The following CHD5 variants were observed in gnomAD, a reference collection of about 807,000 sequenced individuals.
The protein encoded by CHD5 is chromodomain helicase DNA binding protein 5.
Under a neutral mutation model 230.3 loss-of-function variants are expected in CHD5, and 69 were observed. The ratio of observed to expected loss-of-function variants is 0.30; its 90% CI spans 0.25 to 0.37. The LOEUF (loss-of-function observed/expected upper bound fraction) is 0.37. Ranked by LOEUF, CHD5 falls within the 10% of genes least tolerant of loss-of-function variation. The pLI is 1.00. For synonymous variants in CHD5, 1,064 were observed against 1,065.9 expected, an observed-to-expected ratio of 1.00 and a Z score of 0.03; for missense variants, 1,827 against 2,622.8, an observed-to-expected ratio of 0.70 and a Z score of 6.63.
At chr1:6,138,120 A>G (rs1191112299) in intron 15 of CHD5, among the ~76,000 whole-genome samples, 1 of 152,196 alleles carries the variant, frequency 6.6e-6, no homozygotes, top group Non-Finnish European at 1.5e-5. Context: ...TCCCGCCTAT[A>G]ATCCCTGCAC....
chr1:6,149,983 TGATGGATGGATGGACAAATGGATGGATG>T (rs1375406341), intron 7 of CHD5, among the ~76,000 whole-genome samples: 11 of 142,250 alleles, frequency 7.7e-5, no homozygotes, highest in Non-Finnish European at 1.5e-4. Context: ...AATGAATGGA[TGATGGATGGATGGACAAATGGATGGATG>T]GATGGATGGA....
At chr1:6,151,328 C>T (rs1264883338) in intron 6 of CHD5, among the ~76,000 whole-genome samples, 173 bp from the exon 7 acceptor site, 1 of 152,198 alleles carries the variant, frequency 6.6e-6, no homozygotes, top group Non-Finnish European at 1.5e-5. Flanking sequence ...CCTGCCTGTC[C>T]AGCCTGATGT....
rs1666608047 is a variant in CHD5 at position 6,128,898 on chromosome 1, G to C, written c.3559C>G (p.Gln1187Glu). 6.2e-7 allele frequency: 1 copy of C among 1,613,202 alleles called. No homozygotes were observed. ...AACTTGAGGATGTCGTCCAGCTCCTGCTTGGTCATGGACCCCGACTTGGAG... is the reference window on the plus strand; with the variant it reads ...AACTTGAGGATGTCGTCCAGCTCCTCCTTGGTCATGGACCCCGACTTGGAG... ...LGSKSGSMTK[Q>E]ELDDILKFGT... Residue 1187 changes from glutamine to glutamate, a missense_variant, in exon 23 of 42, where the codon CAG (glutamine) becomes GAG (glutamate). Physicochemically the swap from Gln to Glu is conservative, Grantham distance 29 (BLOSUM62 2). Coordinates refer to ENST00000262450, the MANE Select transcript of CHD5 (RefSeq NM_015557.3). The surrounding 1 kb of genome is among the most constrained non-coding windows in gnomAD (Gnocchi z 7.8).
chr1:6,158,710 G>T (rs921930016), intron 3 of CHD5, among the ~76,000 whole-genome samples: 1 of 152,146 alleles, frequency 6.6e-6, no homozygotes, highest in Non-Finnish European at 1.5e-5. Flanking sequence ...GGCAGATCGC[G>T]AGGTCAAGAG....
intron 38 of CHD5, among the ~76,000 whole-genome samples, chr1:6,109,486 T>A (rs778589995): frequency 1.1e-4 from 17 of 152,320 alleles, no homozygotes; most frequent in Non-Finnish European, 2.1e-4. Context: ...ACAGTGCATT[T>A]AAGTCACGCT....
rs1445659538 is a variant in CHD5 at position 6,180,050 on chromosome 1, G to A, written c.-27C>T. 8.0e-7 allele frequency: 1 copy of A among 1,242,316 alleles called. No individual in the cohort carries two copies. 77.0% of individuals were successfully genotyped at this position (1,242,316 alleles called of 1,614,324 possible). On this transcript the variant is annotated 5_prime_UTR_variant, in exon 1 of 42. Coordinates refer to ENST00000262450, the MANE Select transcript of CHD5 (RefSeq NM_015557.3). Reference sequence around the variant, plus strand: ...CCCGGCGCGGGGAGGAGGGGAGGTGGGCGCCCCCCCTCCCGCCGGGCGCGG... The same window carrying A: ...CCCGGCGCGGGGAGGAGGGGAGGTGAGCGCCCCCCCTCCCGCCGGGCGCGG...
rs750042274 is a variant in CHD5 at position 6,134,109 on chromosome 1, G to A, written c.3144+19C>T. The A allele has an allele frequency of 6.8e-6, 11 of 1,607,904 alleles. No individual in the cohort carries two copies. Among genetic ancestry groups the A allele is most frequent in the African/African-American group, 4.0e-5 (3 of 74,862 alleles). On this transcript the variant is annotated intron_variant, in intron 20 of 41. Coordinates refer to ENST00000262450, the MANE Select transcript of CHD5 (RefSeq NM_015557.3). This position sits in a 1 kb window ranked among gnomAD's most constrained non-coding sequence, Gnocchi z 6.3. The stretch of plus-strand genomic sequence containing the variant: ...TGTGGGGTGTGGAGCCGGGGCGGGG[G>A]TGGGCAGGGGCAGCGCACCTGGGAG...
chr1:6,125,401 A>C lies in CHD5; in HGVS notation c.4260+123T>G, dbSNP rs2100843050. On this transcript the variant is annotated intron_variant, in intron 28 of 41. Transcript: ENST00000262450. This position sits in a 1 kb window ranked among gnomAD's most constrained non-coding sequence, Gnocchi z 6.7. ...GACCCTGACGGCGAAGACCAGACCA[A>C]GTTCTGTCCAAGCTCCGCCTCTACC... 7.8e-7 allele frequency: 1 copy of C among 1,283,624 alleles called. No individual in the cohort carries two copies. The highest frequency in any genetic ancestry group is 1.1e-6 in the Non-Finnish European group (1 of 923,696). 79.5% of individuals were successfully genotyped at this position (1,283,624 alleles called of 1,614,324 possible).
At position 6,120,122 on chromosome 1, in the gene CHD5, A is replaced by C. The variant is rs563930188; in HGVS notation, c.4912+983T>G. Among the ~76,000 whole-genome samples the C allele has an allele frequency of 3.2e-3, 492 of 152,174 alleles. 2 individuals carry two copies. The highest frequency in any genetic ancestry group is 0.011 in the African/African-American group (466 of 41,532). Reference sequence around the variant, plus strand: ...GTAATTCACCTGCCTCAGCCTCCCAAAGTGCTGGGATTACAGGTGTGAGCC... The same window carrying C: ...GTAATTCACCTGCCTCAGCCTCCCACAGTGCTGGGATTACAGGTGTGAGCC... On this transcript the variant is annotated intron_variant, in intron 33 of 41. Coordinates refer to ENST00000262450, the MANE Select transcript of CHD5 (RefSeq NM_015557.3).
chr1:6,109,621 A>G (rs1666252860), intron 38 of CHD5, among the ~76,000 whole-genome samples, 174 bp downstream of exon 38: 1 of 152,082 alleles, frequency 6.6e-6, no homozygotes, highest in East Asian at 1.9e-4. Context: ...CCTGCAGGGG[A>G]GATAAGGGGT....
At chr1:6,153,529 T>G (rs1431240598) in intron 5 of CHD5, among the ~76,000 whole-genome samples, 1 of 152,160 alleles carries the variant, frequency 6.6e-6, no homozygotes, top group East Asian at 1.9e-4. Context: ...CTCAGCCCCT[T>G]CCATCAAAAC....
In CHD5 at chr1:6,154,530, G is replaced by T; in HGVS notation, c.745+130C>A. 1 of 775,864 alleles carries T rather than the reference G, an allele frequency of 1.3e-6. No individual in the cohort carries two copies. Among genetic ancestry groups the T allele is most frequent in the Non-Finnish European group, 2.0e-6 (1 of 500,628 alleles). The allele number at this position is 775,864 out of a possible 1,614,324, so 48.1% of individuals were successfully genotyped here. On this transcript the variant is annotated intron_variant, in intron 5 of 41. Transcript: ENST00000262450. This position sits in a 1 kb window ranked among gnomAD's most constrained non-coding sequence, Gnocchi z 7.0. ...GACCGGGCAATCCAAGGTCACACAG[G>T]CACAGAGCCCTCCATTAGGAGCACC... is the stretch of plus-strand genomic sequence containing the variant.
At chr1:6,119,149 T>A (rs887728196) in intron 33 of CHD5, among the ~76,000 whole-genome samples, 2 of 143,486 alleles carry the variant, frequency 1.4e-5, no homozygotes, top group African/African-American at 5.9e-5. Flanking sequence ...AAAAATAAAC[T>A]TTTTTTTTCT....
Position 6,112,158 on chromosome 1 carries a change from C to T in CHD5, c.5122G>A (p.Ala1708Thr), listed in dbSNP as rs1318894130. The T allele has an allele frequency of 3.1e-6, 5 of 1,613,910 alleles. No homozygotes were observed. Among genetic ancestry groups the T allele is most frequent in the Admixed American group, 3.3e-5 (2 of 60,000 alleles). Residue 1708 changes from alanine (A) to threonine (T), a missense_variant, in exon 35 of 42, where the codon GCG (alanine) becomes ACG (threonine). By Grantham distance (58) the Ala-to-Thr change is moderately conservative. This residue lies in a region of CHD5 where 272 missense variants were observed against 263.2 expected (regional missense o/e 1.03). Transcript: ENST00000262450. ...CCAATACCCGTGAAGCCCCCGTCCGCGATGTTGAACATGAACTTGAATTTC... is the reference window on the plus strand; with the variant it reads ...CCAATACCCGTGAAGCCCCCGTCCGTGATGTTGAACATGAACTTGAATTTC... The part of the protein sequence containing the change: ...KGKFKFMFNI[A>T]DGGFTELHTL...
At position 6,129,998 on chromosome 1, in the gene CHD5, G is replaced by A; in HGVS notation, c.3387+206C>T. ...CCTCTCCAAGCCTGCTTCCTCCTCT[G>A]GACAAGGACAGAGCTGGAGGGATGG... On this transcript the variant is annotated intron_variant, in intron 22 of 41. Transcript: ENST00000262450. The surrounding 1 kb of genome is among the most constrained non-coding windows in gnomAD (Gnocchi z 6.8). 1 of 602,840 alleles carries A rather than the reference G, an allele frequency of 1.7e-6. No individual in the cohort carries two copies. Among genetic ancestry groups the A allele is most frequent in the South Asian group, 2.0e-5 (1 of 50,570 alleles). The allele number at this position is 602,840 out of a possible 1,614,324, so 37.3% of individuals were successfully genotyped here. A position where few individuals can be genotyped will look rare whatever the true frequency, so the allele number is the denominator to read the frequency against.
intron 33 of CHD5, among the ~76,000 whole-genome samples, chr1:6,118,534 G>A (rs893291119): frequency 6.6e-6 from 1 of 152,150 alleles, no homozygotes; most frequent in Non-Finnish European, 1.5e-5. Flanking sequence ...CCAGTCCATA[G>A]GACAGAAGTG....
chr1:6,124,657 AGGCTCTGGGGTGGGGGGGGGGGACTGG>A lies in CHD5; in HGVS notation c.4395-23_4398del. On this transcript the variant is annotated splice_acceptor_variant and splice_polypyrimidine_tract_variant and coding_sequence_variant and intron_variant, in exon 30 of 42. Transcript: ENST00000262450. LOFTEE classifies it high-confidence loss of function. ...AGGTGCCGCATGAAGAGGGACACAT[AGGCTCTGGGGTGGGGGGGGGGGACTGG>A]GGCTCAGGGAGTGGGGGGCCGGCAA... The A allele has an allele frequency of 8.4e-5, 21 of 249,666 alleles. No homozygotes were observed. The highest frequency in any genetic ancestry group is 1.3e-4 in the Non-Finnish European group (19 of 142,008). 15.5% of individuals were successfully genotyped at this position (249,666 alleles called of 1,614,324 possible).
At chr1:6,147,007 C>T (rs922849577) in intron 9 of CHD5, 136 bp from the exon 10 acceptor site, 69 of 664,608 alleles carry the variant, frequency 1.0e-4, no homozygotes, top group Non-Finnish European at 1.5e-4. Flanking sequence ...ACCACGGTGA[C>T]GCCATGACAT....
rs1366019857 is a variant in CHD5, at chr1:6,146,073, G to A, written c.1802+139C>T. The A allele has an allele frequency of 7.8e-6, 6 of 767,014 alleles. No individual in the cohort carries two copies. The highest frequency in any genetic ancestry group is 1.7e-5 in the South Asian group (1 of 57,654). The allele number at this position is 767,014 out of a possible 1,614,324, so 47.5% of individuals were successfully genotyped here. On this transcript the variant is annotated intron_variant, in intron 11 of 41. Transcript: ENST00000262450. The surrounding 1 kb of genome is among the most constrained non-coding windows in gnomAD (Gnocchi z 5.1). ...ACCCTGGGCCCTTCCTTGTGCCCCT[G>A]CTGTGCCCACATGTGGTTCTGCACG... is the stretch of plus-strand genomic sequence containing the variant.
Sources: gnomAD v4.1 joint callset for allele counts (sites outside exome capture counted in the v4.1 genomes callset) on GRCh38, gnomAD v4.1.1 for gene constraint, gnomAD v4.1.1 regional missense constraint, Gnocchi (gnomAD v3.1) non-coding constraint, MANE v1.5 for transcripts, NCBI Gene and HGNC (gene_info 2026-07-23, HGNC 2026-07-21) for gene names.